HCN1: variants seen among roughly 807,000 people sequenced by gnomAD.
HCN1 encodes the protein potassium/sodium hyperpolarization-activated cyclic nucleotide-gated channel 1.
A neutral mutation model predicts 78.9 loss-of-function variants in HCN1; 13 were observed. The observed-to-expected ratio is 0.16, with a 90% confidence interval of 0.11 to 0.26. The LOEUF is 0.26. Among genes scored for constraint, HCN1 ranks in the 10% least tolerant of loss-of-function variants. The pLI is 1.00. For missense variants in HCN1, 810 were observed against 1,154.3 expected (o/e 0.70, Z 4.32); for synonymous variants, 552 against 455.5 (o/e 1.21, Z -2.70).
At chr5:45,300,106 T>A (rs1745579812) in intron 6 of HCN1, among the ~76,000 whole-genome samples, 1 of 152,052 alleles carries the variant, frequency 6.6e-6, no homozygotes, top group Non-Finnish European at 1.5e-5. Flanking sequence ...GTAAGGTATT[T>A]AAAACCTCCT....
chr5:45,462,066 A>C, intron 2 of HCN1, 59 bp from the exon 3 acceptor site: 1 of 1,327,960 alleles, frequency 7.5e-7, no homozygotes, highest in Non-Finnish European at 1.1e-6. Context: ...AATCAAGCAT[A>C]CTACTGATAG....
At chr5:45,413,579 C>A (rs1156464555) in intron 3 of HCN1, among the ~76,000 whole-genome samples, 1 of 151,712 alleles carries the variant, frequency 6.6e-6, no homozygotes, top group South Asian at 2.1e-4. Flanking sequence ...GAGCAAATTG[C>A]GTAAGTAAGA....
At chr5:45,617,943 T>C (rs540754076) in intron 2 of HCN1, among the ~76,000 whole-genome samples, 2 of 152,126 alleles carry the variant, frequency 1.3e-5, no homozygotes, top group African/African-American at 2.4e-5. Flanking sequence ...ACAAAGTATA[T>C]TGTAGACTTA....
At chr5:45,522,771 T>C (rs1254500582) in intron 2 of HCN1, among the ~76,000 whole-genome samples, 2 of 151,978 alleles carry the variant, frequency 1.3e-5, no homozygotes, top group African/African-American at 4.8e-5. Flanking sequence ...ATCCTGCTGC[T>C]TGTTTTCCTA....
chr5:45,397,007 C>T (rs1739700555), intron 3 of HCN1, among the ~76,000 whole-genome samples: 1 of 151,998 alleles, frequency 6.6e-6, no homozygotes. Flanking sequence ...GTAATAATGA[C>T]AAGAATGAAT....
In HCN1 at chr5:45,693,397, G is replaced by T. The variant is rs190124164; in HGVS notation, c.425+2272C>A. ...TTTCAGATATCTTTCAGTTTAAAAA[G>T]ATCTAAATAATGATAATTGCTTAAT... On this transcript the variant is annotated intron_variant, in intron 1 of 7. Coordinates refer to ENST00000303230, the MANE Select transcript of HCN1 (RefSeq NM_021072.4). 2.2e-4 allele frequency among the ~76,000 whole-genome samples: 33 copies of T among 152,054 alleles called. 1 individual carries two copies. Among genetic ancestry groups the T allele is most frequent in the African/African-American group, 7.5e-4 (31 of 41,422 alleles).
rs867764096 is a variant in HCN1, at chr5:45,545,506, T to A, written c.850-83499A>T. Among the ~76,000 whole-genome samples the A allele has an allele frequency of 2.1e-3, 320 of 152,162 alleles. 2 individuals are homozygous for A. The highest frequency in any genetic ancestry group is 6.9e-3 in the African/African-American group (285 of 41,552). The stretch of plus-strand genomic sequence containing the variant: ...GTTGCCATTGCTTTTGGGGTTTTAG[T>A]CATGAAGTCCTTGCCCATGCCTATG... On this transcript the variant is annotated intron_variant, in intron 2 of 7. Coordinates refer to ENST00000303230, the MANE Select transcript of HCN1 (RefSeq NM_021072.4).
intron 2 of HCN1, among the ~76,000 whole-genome samples, chr5:45,537,523 C>CTGTTTT (rs1742991650): frequency 3.9e-5 from 1 of 25,744 alleles, no homozygotes; most frequent in Non-Finnish European, 6.5e-5. Flanking sequence ...AACTCTAAGT[C>CTGTTTT]TTTTTTTTTT....
chr5:45,533,638 T>C (rs979975879), intron 2 of HCN1, among the ~76,000 whole-genome samples: 4 of 152,172 alleles, frequency 2.6e-5, no homozygotes, highest in African/African-American at 9.6e-5. Context: ...GCCAAAATCC[T>C]ATGTGCCCAC....
In HCN1 at chr5:45,541,953, G is replaced by A. The variant is rs548166526; in HGVS notation, c.850-79946C>T. ...AGCTACTGAGTTGCCACATTATAAC[G>A]TAAACATATTTGTGGACAGAAAAAT... On this transcript the variant is annotated intron_variant, in intron 2 of 7. Coordinates refer to ENST00000303230, the MANE Select transcript of HCN1 (RefSeq NM_021072.4). 3.2e-4 allele frequency among the ~76,000 whole-genome samples: 48 copies of A among 152,070 alleles called. No individual in the cohort carries two copies. The East Asian group carries it at 8.7e-3, about 28-fold the overall frequency.
chr5:45,336,776 C>A (rs966560803), intron 5 of HCN1, among the ~76,000 whole-genome samples: 6 of 151,968 alleles, frequency 3.9e-5, no homozygotes, highest in Admixed American at 3.9e-4. Context: ...TAGTGAGGGG[C>A]CACTTCCTGG....
chr5:45,372,303 TATA>T (rs1483861271), intron 4 of HCN1, among the ~76,000 whole-genome samples: 6 of 96,404 alleles, frequency 6.2e-5, no homozygotes, highest in South Asian at 5.9e-4. Flanking sequence ...ATATATAATA[TATA>T]ATATGTGAAA....
At chr5:45,528,756 T>A (rs2111797961) in intron 2 of HCN1, among the ~76,000 whole-genome samples, 1 of 152,154 alleles carries the variant, frequency 6.6e-6, no homozygotes, top group Admixed American at 6.6e-5. Context: ...TCTGACAAGA[T>A]AATTCTTCCA....
At chr5:45,273,711 G>T (rs1745002570) in intron 6 of HCN1, among the ~76,000 whole-genome samples, 1 of 152,076 alleles carries the variant, frequency 6.6e-6, no homozygotes. Context: ...ATTCTCTGCT[G>T]TGCATCAAAA....
intron 3 of HCN1, among the ~76,000 whole-genome samples, chr5:45,439,729 T>G (rs1340998379): frequency 6.6e-6 from 1 of 152,024 alleles, no homozygotes; most frequent in Non-Finnish European, 1.5e-5. Context: ...GGATATTATT[T>G]TTATAATTGT....
At chr5:45,640,003 C>T (rs1398153546) in intron 2 of HCN1, among the ~76,000 whole-genome samples, 1 of 152,178 alleles carries the variant, frequency 6.6e-6, no homozygotes, top group Non-Finnish European at 1.5e-5. Context: ...ACACTCTTCT[C>T]CCTGGTCCAC....
intron 3 of HCN1, among the ~76,000 whole-genome samples, chr5:45,410,821 T>C (rs746212347): frequency 1.3e-5 from 2 of 152,042 alleles, no homozygotes; most frequent in Non-Finnish European, 2.9e-5. Context: ...TTATCCTATG[T>C]TGTGTATTCA....
intron 2 of HCN1, among the ~76,000 whole-genome samples, chr5:45,527,490 C>T (rs1742758826): frequency 6.6e-6 from 1 of 151,688 alleles, no homozygotes. Flanking sequence ...AGTTGTCTAT[C>T]AGAAATCTTT....
At chr5:45,540,643 T>C (rs1043533952) in intron 2 of HCN1, among the ~76,000 whole-genome samples, 3 of 152,188 alleles carry the variant, frequency 2.0e-5, no homozygotes, top group Admixed American at 1.3e-4. Flanking sequence ...TTTTTACAAT[T>C]GAATTTCTAT....
Sources: allele counts gnomAD v4.1 joint callset (sites outside exome capture counted in the v4.1 genomes callset), GRCh38; gene constraint gnomAD v4.1.1; transcripts MANE v1.5; gene names NCBI Gene and HGNC (gene_info 2026-07-23, HGNC 2026-07-21).